Variants in KIF1A observed in about 807,000 individuals in gnomAD.
The protein encoded by KIF1A is kinesin-like protein KIF1A.
KIF1A carries 46 observed loss-of-function variants against 227.3 expected under a neutral mutation model. That is an observed-to-expected ratio of 0.20 (90% CI 0.16 to 0.26). The LOEUF (loss-of-function observed/expected upper bound fraction) is 0.26. KIF1A is among the 10% of genes least tolerant of loss of function. The probability of loss-of-function intolerance (pLI) is 1.00; values close to 1 mark genes in which losing one functional copy is unlikely to be tolerated. For synonymous variants in KIF1A, 1,022 were observed against 1,012.8 expected, an observed-to-expected ratio of 1.01 and a Z score of -0.17; for missense variants, 1,683 against 2,485.9, an observed-to-expected ratio of 0.68 and a Z score of 6.87.
At chr2:240,755,042 C>T (rs1313541920) in intron 27 of KIF1A, among the ~76,000 whole-genome samples, 2 of 152,212 alleles carry the variant, frequency 1.3e-5, no homozygotes, top group African/African-American at 2.4e-5. Context: ...CTCCTGTGCC[C>T]ACCCACCCTT....
At chr2:240,732,646 G>C in intron 38 of KIF1A, among the ~76,000 whole-genome samples, 1 of 116,504 alleles carries the variant, frequency 8.6e-6, no homozygotes, top group Non-Finnish European at 1.8e-5. Context: ...GGAATGAGGG[G>C]AGGAGCTAAT....
At chr2:240,805,484 G>A (rs2057339274) in intron 1 of KIF1A, among the ~76,000 whole-genome samples, 1 of 152,112 alleles carries the variant, frequency 6.6e-6, no homozygotes, top group Non-Finnish European at 1.5e-5. Context: ...AAGAAAAAAA[G>A]GGCGAAAATA....
At chr2:240,728,399 T>C (rs199812009) in intron 38 of KIF1A, 19 of 1,302,480 alleles carry the variant, frequency 1.5e-5, no homozygotes, top group East Asian at 5.6e-5. Context: ...CTAGTGTCAT[T>C]TCCCAATGAA....
At chr2:240,723,156 C>T in intron 42 of KIF1A, among the ~76,000 whole-genome samples, 1 of 152,260 alleles carries the variant, frequency 6.6e-6, no homozygotes, top group East Asian at 1.9e-4. Flanking sequence ...TGGCCTCTGT[C>T]TATATGCCCG....
At position 240,790,553 on chromosome 2, in the gene KIF1A, C is replaced by A. The variant is rs1279331279; in HGVS notation, c.107-1241G>T. 1.3e-5 allele frequency among the ~76,000 whole-genome samples: 2 copies of A among 151,976 alleles called. No homozygotes were observed. Among genetic ancestry groups the A allele is most frequent in the Admixed American group, 6.5e-5 (1 of 15,268 alleles). ...GCCCCAGTTACGAGTTAAACTGTGT[C>A]CCCCTAATTTCATATTTTGAAGCCT... On this transcript the variant is annotated intron_variant, in intron 2 of 48. Coordinates refer to ENST00000498729, the MANE Select transcript of KIF1A (RefSeq NM_001244008.2). This position sits in a 1 kb window ranked among gnomAD's most constrained non-coding sequence, Gnocchi z 5.0.
rs913419401 is a variant in KIF1A at position 240,789,850 on chromosome 2, C to T, written c.107-538G>A. 6.6e-6 allele frequency among the ~76,000 whole-genome samples: 1 copy of T among 152,170 alleles called. No individual in the cohort carries two copies. Among genetic ancestry groups the T allele is most frequent in the African/African-American group, 2.4e-5 (1 of 41,440 alleles). On this transcript the variant is annotated intron_variant, in intron 2 of 48. Transcript: ENST00000498729. The surrounding 1 kb of genome is among the most constrained non-coding windows in gnomAD (Gnocchi z 4.8). The stretch of plus-strand genomic sequence containing the variant: ...TGTCTTCTGCCAGAGTCCCTCCTCC[C>T]CCTCCCTCCTCCACCCAACTTCAAG...
chr2:240,793,799 G>A lies in KIF1A; in HGVS notation c.106+3848C>T, dbSNP rs2056047872. On this transcript the variant is annotated intron_variant, in intron 2 of 48. Transcript: ENST00000498729. This position sits in a 1 kb window ranked among gnomAD's most constrained non-coding sequence, Gnocchi z 4.8. Reference sequence around the variant, plus strand: ...GCGGAGCTACAAGGCACGCTTTAGAGAGTGGGGCCTCTCCTCATGTTTTGA... The same window carrying A: ...GCGGAGCTACAAGGCACGCTTTAGAAAGTGGGGCCTCTCCTCATGTTTTGA... 6.6e-6 allele frequency among the ~76,000 whole-genome samples: 1 copy of A among 152,202 alleles called. No individual in the cohort carries two copies.
chr2:240,756,032 C>T (rs1400954045), intron 27 of KIF1A, among the ~76,000 whole-genome samples: 1 of 152,142 alleles, frequency 6.6e-6, no homozygotes, highest in Non-Finnish European at 1.5e-5. Flanking sequence ...CCTAGTAACA[C>T]TCATGAAAAA....
chr2:240,779,046 CCTCA>C (rs760955866), intron 10 of KIF1A, among the ~76,000 whole-genome samples: 46 of 146,344 alleles, frequency 3.1e-4, no homozygotes, highest in Non-Finnish European at 3.2e-4. Flanking sequence ...ACACTCAGTC[CCTCA>C]CTCAGTTCCA....
intron 42 of KIF1A, 118 bp from the exon 43 acceptor site, chr2:240,722,774 G>T: frequency 1.3e-6 from 1 of 775,502 alleles, no homozygotes; most frequent in Non-Finnish European, 2.0e-6. Context: ...ACCCTCCCCT[G>T]GGCTAAGACT....
At position 240,766,747 on chromosome 2, in the gene KIF1A, TCTCACACACACACACACACA is replaced by T. The variant is rs1375835737; in HGVS notation, c.1684+148_1684+167del. On this transcript the variant is annotated intron_variant, in intron 19 of 48. Coordinates refer to ENST00000498729, the MANE Select transcript of KIF1A (RefSeq NM_001244008.2). The surrounding 1 kb of genome is among the most constrained non-coding windows in gnomAD (Gnocchi z 5.0). ...ATCTCTCTCTCTCTCTCTCTCTCTC[TCTCACACACACACACACACA>T]CACACACACACACACACACGTCCTG... Among the ~76,000 whole-genome samples, 1 of 119,442 alleles carries T rather than the reference TCTCACACACACACACACACA, an allele frequency of 8.4e-6. No individual in the cohort carries two copies. The highest frequency in any genetic ancestry group is 1.7e-5 in the Non-Finnish European group (1 of 60,202). The allele number at this position is 119,442 out of a possible 152,430, so 78.4% of individuals were successfully genotyped here.
In KIF1A at chr2:240,766,209, C is replaced by A. The variant is rs7562527; in HGVS notation, c.1685-416G>T. Among the ~76,000 whole-genome samples the A allele has an allele frequency of 2.0e-5, 3 of 152,244 alleles. No individual in the cohort carries two copies. The highest frequency in any genetic ancestry group is 4.4e-5 in the Non-Finnish European group (3 of 68,046). On this transcript the variant is annotated intron_variant, in intron 19 of 48. Transcript: ENST00000498729. This position sits in a 1 kb window ranked among gnomAD's most constrained non-coding sequence, Gnocchi z 5.0. Reference sequence around the variant, plus strand: ...GTCCCAACACCACTTAGGGCCATCACCCTGAGGTGGCCAAGTTGGACAGTG... The same window carrying A: ...GTCCCAACACCACTTAGGGCCATCAACCTGAGGTGGCCAAGTTGGACAGTG...
At chr2:240,755,301 C>G (rs1477092867) in intron 27 of KIF1A, among the ~76,000 whole-genome samples, 1 of 152,194 alleles carries the variant, frequency 6.6e-6, no homozygotes, top group Non-Finnish European at 1.5e-5. Context: ...TGAAACCCAG[C>G]CCAAGAGAGG....
intron 1 of KIF1A, among the ~76,000 whole-genome samples, chr2:240,810,788 G>A (rs1302641261): frequency 6.6e-6 from 1 of 152,166 alleles, no homozygotes; most frequent in Non-Finnish European, 1.5e-5. Flanking sequence ...GGCGTGGAGG[G>A]GGTCTAAGGG....
chr2:240,786,708 G>GGGCCCCT lies in KIF1A; in HGVS notation c.430-196_430-195insAGGGGCC, dbSNP rs1455750589. Among the ~76,000 whole-genome samples, 187 of 135,988 alleles carry GGGCCCCT rather than the reference G, an allele frequency of 1.4e-3. 13 individuals are homozygous for GGGCCCCT. Among genetic ancestry groups the GGGCCCCT allele is most frequent in the Admixed American group, 2.5e-3 (36 of 14,312 alleles). 89.2% of individuals were successfully genotyped at this position (135,988 alleles called of 152,430 possible). A position where few individuals can be genotyped will look rare whatever the true frequency, so the allele number is the denominator to read the frequency against. ...CCTGAGGGGATGGGAGCCAGCATCAGGACCCCTGAGTGAGGGGGTGGGGGC... is the reference window on the plus strand; with the variant it reads ...CCTGAGGGGATGGGAGCCAGCATCAGGGCCCCTGACCCCTGAGTGAGGGGGTGGGGGC... On this transcript the variant is annotated intron_variant, in intron 5 of 48. Coordinates refer to ENST00000498729, the MANE Select transcript of KIF1A (RefSeq NM_001244008.2).
At position 240,788,501 on chromosome 2, in the gene KIF1A, G is replaced by A. The variant is rs916272500; in HGVS notation, c.184-271C>T. Among the ~76,000 whole-genome samples the A allele has an allele frequency of 1.3e-5, 2 of 152,184 alleles. No homozygotes were observed. The highest frequency in any genetic ancestry group is 4.8e-5 in the African/African-American group (2 of 41,442). On this transcript the variant is annotated intron_variant, in intron 3 of 48. Transcript: ENST00000498729. This position sits in a 1 kb window ranked among gnomAD's most constrained non-coding sequence, Gnocchi z 6.6. ...GGGAACAGCATGTGAAAGGCCCAGA[G>A]GTGAGACCTCAAAGCCAAAGTAAGT...
At chr2:240,749,759 T>C (rs146766401) in intron 28 of KIF1A, among the ~76,000 whole-genome samples, 2,554 of 152,332 alleles carry the variant, frequency 0.017, 31 homozygotes, top group Non-Finnish European at 0.025. Flanking sequence ...GGGGCTGCCC[T>C]GGTGCCTCTG....
At chr2:240,721,071 G>A (rs1159814795) in intron 44 of KIF1A, 33 bp from the exon 45 acceptor site, 1 of 1,609,408 alleles carries the variant, frequency 6.2e-7, no homozygotes, top group African/African-American at 1.3e-5. Context: ...AGGGGACACA[G>A]GGAAGGGGGG....
intron 2 of KIF1A, among the ~76,000 whole-genome samples, chr2:240,791,643 A>G (rs938171097): frequency 6.6e-6 from 1 of 150,606 alleles, no homozygotes; most frequent in African/African-American, 2.4e-5. Context: ...CTAGGTGCCA[A>G]CCTTGCTCAG....
Sources: allele counts gnomAD v4.1 joint callset (sites outside exome capture counted in the v4.1 genomes callset), GRCh38; gene constraint gnomAD v4.1.1; non-coding constraint Gnocchi (gnomAD v3.1); transcripts MANE v1.5; gene names NCBI Gene and HGNC (gene_info 2026-07-23, HGNC 2026-07-21).